The following BBS7 variants were observed in gnomAD, a reference collection of about 807,000 sequenced individuals.
BBS7 encodes the protein BBSome complex member BBS7.
BBS7 carries 50 observed loss-of-function variants against 90.3 expected under a neutral mutation model. The ratio of observed to expected loss-of-function variants is 0.55; its 90% CI spans 0.44 to 0.70. The LOEUF (loss-of-function observed/expected upper bound fraction) is 0.70, where lower values mean the gene tolerates loss of function less well. BBS7 is among the 30% of genes least tolerant of loss of function. The pLI, the probability that BBS7 is intolerant of heterozygous loss-of-function variation, is 0.00. For missense variants in BBS7, 729 were observed against 838.9 expected, an observed-to-expected ratio of 0.87 and a Z score of 1.62; for synonymous variants, 235 against 287.4, an observed-to-expected ratio of 0.82 and a Z score of 1.85.
chr4:121,850,185 A>G (rs764938352), intron 8 of BBS7, among the ~76,000 whole-genome samples: 4 of 147,686 alleles, frequency 2.7e-5, no homozygotes, highest in Non-Finnish European at 6.0e-5. Flanking sequence ...TTTTTTTTTT[A>G]GACAGGACAT....
Position 121,864,811 on chromosome 4 carries a change from T to C in BBS7, c.103-1532A>G, listed in dbSNP as rs573496606. On this transcript the variant is annotated intron_variant, in intron 2 of 18. Coordinates refer to ENST00000264499, the MANE Select transcript of BBS7 (RefSeq NM_176824.3). ...CAATTGTACATATTCGTGGGGTACA[T>C]AGCAATGTTTCAATACATATAACAT... Among the ~76,000 whole-genome samples the C allele has an allele frequency of 9.0e-4, 137 of 152,304 alleles. 1 individual carries two copies. Among genetic ancestry groups the C allele is most frequent in the Non-Finnish European group, 1.5e-3 (99 of 68,022 alleles).
chr4:121,859,267 C>T (rs1406914636), intron 4 of BBS7, 89 bp from the exon 5 acceptor site: 2 of 1,136,676 alleles, frequency 1.8e-6, no homozygotes, highest in Non-Finnish European at 2.6e-6. Flanking sequence ...ATACAGTTTA[C>T]TAACATTTTA....
intron 13 of BBS7, among the ~76,000 whole-genome samples, chr4:121,838,723 TAA>T (rs534107493): frequency 2.1e-4 from 29 of 140,944 alleles, no homozygotes; most frequent in African/African-American, 5.7e-4. Flanking sequence ...ACCCCGTCCC[TAA>T]AAAAAAAAAA....
intron 4 of BBS7, 23 bp downstream of exon 4, chr4:121,861,481 A>G (rs770749995): frequency 2.9e-5 from 46 of 1,603,060 alleles, no homozygotes; most frequent in Non-Finnish European, 3.9e-5. Context: ...ATGTAAAAAT[A>G]CAAAAGAGAA....
intron 13 of BBS7, among the ~76,000 whole-genome samples, chr4:121,838,432 A>G (rs895993706): frequency 7.9e-5 from 12 of 152,028 alleles, no homozygotes; most frequent in Admixed American, 2.6e-4. Context: ...ATAGTGCTTA[A>G]TTTTTAGATA....
chr4:121,850,354 T>G (rs1726254825), intron 8 of BBS7, among the ~76,000 whole-genome samples: 1 of 151,822 alleles, frequency 6.6e-6, no homozygotes, highest in Non-Finnish European at 1.5e-5. Flanking sequence ...TTTGCAGAGA[T>G]GGGGTCTCCC....
intron 10 of BBS7, among the ~76,000 whole-genome samples, chr4:121,846,828 G>A (rs1726033359): frequency 6.6e-6 from 1 of 152,118 alleles, no homozygotes; most frequent in South Asian, 2.1e-4. Flanking sequence ...GGGTTGAAAT[G>A]GGGAGAGCAG....
chr4:121,825,986 G>A lies in BBS7; in HGVS notation c.2022C>T (p.Ile674=). ...TAAATTTATCTATGAAAAGATCAGT[G>A]ATCATGCCTTTAAAGAAAAAACATA... ...PAHLERLYGM[I]TDLFIDKFKF... Residue 674 remains isoleucine (I), a synonymous_variant, in exon 19 of 19, where the codon ATC becomes ATT. Coordinates refer to ENST00000264499, the MANE Select transcript of BBS7 (RefSeq NM_176824.3). 1.9e-6 allele frequency: 3 copies of A among 1,596,944 alleles called. No homozygotes were observed. Among genetic ancestry groups the A allele is most frequent in the Non-Finnish European group, 2.6e-6 (3 of 1,166,018 alleles).
chr4:121,869,358 A>C (rs1172133422), intron 1 of BBS7, among the ~76,000 whole-genome samples: 1 of 152,206 alleles, frequency 6.6e-6, no homozygotes, highest in African/African-American at 2.4e-5. Context: ...CTGGAGTCCG[A>C]GACTTTGATT....
At chr4:121,864,506 T>C (rs1727154856) in intron 2 of BBS7, among the ~76,000 whole-genome samples, 1 of 152,214 alleles carries the variant, frequency 6.6e-6, no homozygotes, top group Non-Finnish European at 1.5e-5. Context: ...TGAAAAATAG[T>C]TATTTTTCAT....
chr4:121,837,304 A>G (rs1725508059), intron 13 of BBS7, among the ~76,000 whole-genome samples: 1 of 150,080 alleles, frequency 6.7e-6, no homozygotes, highest in African/African-American at 2.5e-5. Context: ...TCCTTTGCCT[A>G]TTTTCCTTAC....
rs566397830 is a variant in BBS7, at chr4:121,830,423, A to AT, written c.1677-1696dup. 3.0e-3 allele frequency among the ~76,000 whole-genome samples: 461 copies of AT among 151,742 alleles called. 2 individuals are homozygous for AT. Among genetic ancestry groups the AT allele is most frequent in the African/African-American group, 0.011 (435 of 41,380 alleles). On this transcript the variant is annotated intron_variant, in intron 15 of 18. Transcript: ENST00000264499. Reference sequence around the variant, plus strand: ...CTCAAAACAAATAAAAAAAAAGATAATTTTTTTTTCTAGAAAGATAAATAA... The same window carrying AT: ...CTCAAAACAAATAAAAAAAAAGATAATTTTTTTTTTCTAGAAAGATAAATAA...
At chr4:121,832,765 T>A (rs1201551991) in intron 15 of BBS7, among the ~76,000 whole-genome samples, 1 of 152,236 alleles carries the variant, frequency 6.6e-6, no homozygotes, top group Non-Finnish European at 1.5e-5. Flanking sequence ...GGAATTAGGA[T>A]AAATATTCAA....
rs1417388734 is a variant in BBS7 at position 121,824,887 on chromosome 4, T to G, written c.*973A>C. 6.6e-6 allele frequency: 1 copy of G among 152,168 alleles called. No individual in the cohort carries two copies. The highest frequency in any genetic ancestry group is 1.9e-4 in the East Asian group (1 of 5,204). The allele number at this position is 152,168 out of a possible 1,614,324, so 9.4% of individuals were successfully genotyped here. A position where few individuals can be genotyped will look rare whatever the true frequency, so the allele number is the denominator to read the frequency against. On this transcript the variant is annotated 3_prime_UTR_variant, in exon 19 of 19. Coordinates refer to ENST00000264499, the MANE Select transcript of BBS7 (RefSeq NM_176824.3). This position sits in a 1 kb window ranked among gnomAD's most constrained non-coding sequence, Gnocchi z 4.1. ...AAAAAATTCGTGAGTCTGCCCTTCTTGAAACATAAAGCTTATTTTCCATTA... is the reference window on the plus strand; with the variant it reads ...AAAAAATTCGTGAGTCTGCCCTTCTGGAAACATAAAGCTTATTTTCCATTA...
At chr4:121,861,771 G>T in intron 3 of BBS7, 92 bp from the exon 4 acceptor site, 1 of 1,285,836 alleles carries the variant, frequency 7.8e-7, no homozygotes, top group Non-Finnish European at 1.1e-6. Context: ...TGTTAAATTT[G>T]CAAAATATTA....
intron 4 of BBS7, among the ~76,000 whole-genome samples, chr4:121,859,471 C>T (rs1188976414): frequency 6.6e-6 from 1 of 152,036 alleles, no homozygotes; most frequent in Non-Finnish European, 1.5e-5. Context: ...TATCCAAAGA[C>T]AATTAATACA....
chr4:121,853,129 G>C (rs1726413070), intron 7 of BBS7, 43 bp from the exon 8 acceptor site: 1 of 1,592,630 alleles, frequency 6.3e-7, no homozygotes, highest in Non-Finnish European at 8.6e-7. Flanking sequence ...AAGACTAATA[G>C]TTATGGTCAA....
rs771825770 is a variant in BBS7, at chr4:121,848,851, T to G, written c.927A>C (p.Thr309=). ...TATTATCATTTACTTTACCTGAATA[T>G]GTGGACACCACGATTTCATCATAGC... ...KDSYDEIVVS[T]YSGWVTGLTT... The change falls in exon 9 of 19, where the codon ACA becomes ACC. Residue 309 remains threonine, a synonymous_variant. Coordinates refer to ENST00000264499, the MANE Select transcript of BBS7 (RefSeq NM_176824.3). The G allele has an allele frequency of 1.2e-6, 2 of 1,613,326 alleles. No individual in the cohort carries two copies. The highest frequency in any genetic ancestry group is 1.7e-6 in the Non-Finnish European group (2 of 1,179,492).
intron 5 of BBS7, among the ~76,000 whole-genome samples, chr4:121,855,854 A>G (rs1306466016): frequency 2.1e-5 from 3 of 144,466 alleles, no homozygotes; most frequent in Non-Finnish European, 3.0e-5. Context: ...ATATATGCAC[A>G]TGTATGTGTA....
Sources: gnomAD v4.1 joint callset for allele counts (sites outside exome capture counted in the v4.1 genomes callset) on GRCh38, gnomAD v4.1.1 for gene constraint, Gnocchi (gnomAD v3.1) non-coding constraint, MANE v1.5 for transcripts, NCBI Gene and HGNC (gene_info 2026-07-23, HGNC 2026-07-21) for gene names.